Variants in LRBA observed in about 807,000 individuals in gnomAD.
LRBA encodes lipopolysaccharide-responsive and beige-like anchor protein.
Under a neutral mutation model 330.0 loss-of-function variants are expected in LRBA, and 176 were observed. The ratio of observed to expected loss-of-function variants is 0.53; its 90% CI spans 0.47 to 0.60. LRBA has a LOEUF of 0.60. Ranked by LOEUF, LRBA falls within the 20% of genes least tolerant of loss-of-function variation. The probability of loss-of-function intolerance (pLI) is 0.00; values close to 1 mark genes in which losing one functional copy is unlikely to be tolerated. For missense variants in LRBA, 3,259 were observed against 3,444.8 expected (o/e 0.95, Z 1.35); for synonymous variants, 1,230 against 1,193.0 (o/e 1.03, Z -0.64).
chr4:150,585,636 T>A (rs1432467812), intron 40 of LRBA, among the ~76,000 whole-genome samples: 1 of 152,212 alleles, frequency 6.6e-6, no homozygotes, highest in South Asian at 2.1e-4. Flanking sequence ...AACTATATAC[T>A]CCATTCGCTA....
intron 2 of LRBA, among the ~76,000 whole-genome samples, chr4:150,948,735 A>G (rs907502061): frequency 6.6e-6 from 1 of 152,024 alleles, no homozygotes; most frequent in Non-Finnish European, 1.5e-5. Flanking sequence ...TAAAAAATAT[A>G]GTCTCTCAAA....
chr4:150,531,680 A>G lies in LRBA; in HGVS notation c.6331-40645T>C, dbSNP rs115307657. 4.2e-3 allele frequency among the ~76,000 whole-genome samples: 643 copies of G among 152,352 alleles called. 3 individuals are homozygous for G. The highest frequency in any genetic ancestry group is 0.015 in the African/African-American group (621 of 41,586). On this transcript the variant is annotated intron_variant, in intron 40 of 56. Transcript: ENST00000651943. ...CACAATATAAATTTAAAATGTCATG[A>G]TATCAACAACCTCCATAAAATTATT...
intron 2 of LRBA, among the ~76,000 whole-genome samples, chr4:150,955,551 G>C (rs1008662046): frequency 6.7e-6 from 1 of 148,640 alleles, no homozygotes; most frequent in Non-Finnish European, 1.5e-5. Flanking sequence ...CCAGGAGTTC[G>C]AGGTCAGCCT....
intron 37 of LRBA, among the ~76,000 whole-genome samples, chr4:150,600,968 C>A (rs1774052515): frequency 6.6e-6 from 1 of 152,150 alleles, no homozygotes; most frequent in South Asian, 2.1e-4. Flanking sequence ...GAATCACAGG[C>A]TGCTCCTCGC....
chr4:151,002,451 G>A (rs1020245513), intron 2 of LRBA, among the ~76,000 whole-genome samples: 2 of 151,632 alleles, frequency 1.3e-5, no homozygotes. Context: ...TGTAATCCCA[G>A]CTACTTGGGA....
At chr4:150,962,815 G>A (rs1327153773) in intron 2 of LRBA, among the ~76,000 whole-genome samples, 12 of 147,442 alleles carry the variant, frequency 8.1e-5, no homozygotes, top group South Asian at 2.1e-4. Flanking sequence ...TTAGCCGGGC[G>A]TGGTGGCATG....
intron 28 of LRBA, among the ~76,000 whole-genome samples, chr4:150,833,916 TTTG>T (rs1747593250): frequency 6.6e-6 from 1 of 152,244 alleles, no homozygotes; most frequent in East Asian, 1.9e-4. Context: ...TTCTAAATCC[TTTG>T]TTATCATTTC....
At chr4:150,759,436 A>G (rs960937991) in intron 35 of LRBA, among the ~76,000 whole-genome samples, 1 of 152,190 alleles carries the variant, frequency 6.6e-6, no homozygotes, top group African/African-American at 2.4e-5. Flanking sequence ...TCTCACTTGT[A>G]CACTGGCTGT....
intron 34 of LRBA, among the ~76,000 whole-genome samples, chr4:150,781,801 T>C (rs1238139469): frequency 6.6e-6 from 1 of 152,216 alleles, no homozygotes; most frequent in East Asian, 1.9e-4. Context: ...ATCACAAATC[T>C]GTCTCCTCAA....
At chr4:150,395,658 A>C (rs1744632425) in intron 47 of LRBA, among the ~76,000 whole-genome samples, 1 of 152,150 alleles carries the variant, frequency 6.6e-6, no homozygotes, top group Non-Finnish European at 1.5e-5. Flanking sequence ...GCAAGGTATA[A>C]ATGCCTCTTC....
At chr4:150,567,647 A>G (rs894518864) in intron 40 of LRBA, among the ~76,000 whole-genome samples, 2 of 152,188 alleles carry the variant, frequency 1.3e-5, no homozygotes, top group Non-Finnish European at 1.5e-5. Flanking sequence ...AGTGCTTAGC[A>G]TAGTGGTTGG....
chr4:150,935,690 TAAAC>T (rs1735017452), intron 2 of LRBA, among the ~76,000 whole-genome samples: 1 of 151,824 alleles, frequency 6.6e-6, no homozygotes, highest in South Asian at 2.1e-4. Context: ...CTAGAATCAT[TAAAC>T]AAATGGTATA....
chr4:150,834,425 A>C (rs115380136), intron 28 of LRBA, among the ~76,000 whole-genome samples: 1 of 152,228 alleles, frequency 6.6e-6, no homozygotes, highest in Admixed American at 6.5e-5. Flanking sequence ...TTCACTAAAA[A>C]GCATGAAAAT....
chr4:150,396,594 T>C (rs1233206032), intron 47 of LRBA, among the ~76,000 whole-genome samples: 1 of 152,024 alleles, frequency 6.6e-6, no homozygotes, highest in African/African-American at 2.4e-5. Context: ...ATAATAGTAG[T>C]CTACAGGGAA....
At position 150,549,914 on chromosome 4, in the gene LRBA, A is replaced by G. The variant is rs76762383; in HGVS notation, c.6330+38134T>C. On this transcript the variant is annotated intron_variant, in intron 40 of 56. Coordinates refer to ENST00000651943, the MANE Select transcript of LRBA (RefSeq NM_001364905.1). ...TGAGTACTAAATGGCACTATCAGAG[A>G]AAGAAGATGAGGGAACTACGAATCC... Among the ~76,000 whole-genome samples the G allele has an allele frequency of 5.7e-3, 862 of 152,338 alleles. 8 individuals are homozygous for G. The highest frequency in any genetic ancestry group is 0.02 in the African/African-American group (839 of 41,586).
rs750545900 is a variant in LRBA, at chr4:150,583,014, G to A, written c.6330+5034C>T. The A allele has an allele frequency of 1.3e-6, 2 of 1,574,262 alleles. No individual in the cohort carries two copies. Among genetic ancestry groups the A allele is most frequent in the African/African-American group, 2.7e-5 (2 of 73,932 alleles). ...ATTGCGAGACGCCGGTGTATAGCCC[G>A]GACCTGTGCCCCAACATGATCGCCG... On this transcript the variant is annotated intron_variant, in intron 40 of 56. Transcript: ENST00000651943. This position sits in a 1 kb window ranked among gnomAD's most constrained non-coding sequence, Gnocchi z 9.8.
chr4:150,574,233 T>C (rs1770246907), intron 40 of LRBA, among the ~76,000 whole-genome samples: 1 of 152,108 alleles, frequency 6.6e-6, no homozygotes, highest in Non-Finnish European at 1.5e-5. Flanking sequence ...CTCACAGTTG[T>C]CTCCAAACTA....
intron 37 of LRBA, among the ~76,000 whole-genome samples, chr4:150,640,213 A>C (rs1778539985): frequency 6.6e-6 from 1 of 152,064 alleles, no homozygotes; most frequent in Non-Finnish European, 1.5e-5. Context: ...GGTAAAAATG[A>C]ATGTTGTCTG....
intron 20 of LRBA, among the ~76,000 whole-genome samples, chr4:150,868,642 C>T (rs1257431855): frequency 6.6e-6 from 1 of 152,038 alleles, no homozygotes; most frequent in Non-Finnish European, 1.5e-5. Context: ...TAAAGTTGAT[C>T]TTAAAAACAA....
Sources: allele counts gnomAD v4.1 joint callset (sites outside exome capture counted in the v4.1 genomes callset), GRCh38; gene constraint gnomAD v4.1.1; non-coding constraint Gnocchi (gnomAD v3.1); transcripts MANE v1.5; gene names NCBI Gene and HGNC (gene_info 2026-07-23, HGNC 2026-07-21).